PARVB: variants seen among roughly 807,000 people sequenced by gnomAD.
PARVB encodes the protein parvin beta, also known as beta-parvin.
In PARVB, 46 loss-of-function variants were observed where a neutral mutation model predicts 47.0. The observed-to-expected ratio is 0.98, with a 90% CI of 0.77 to 1.25. The LOEUF is 1.25. Among genes scored for constraint, PARVB ranks in the 50% most tolerant of loss-of-function variants. PARVB has a pLI of 0.00. For missense variants in PARVB, 473 were observed against 471.6 expected (o/e 1.00, Z -0.03); for synonymous variants, 196 against 196.3 (o/e 1.00, Z 0.01).
chr22:44,164,074 C>T, intron 12 of PARVB, 144 bp downstream of exon 12: 1 of 551,124 alleles, frequency 1.8e-6, no homozygotes, highest in Non-Finnish European at 3.2e-6. Flanking sequence ...CTGCCAACCC[C>T]AGCTCCTCAG....
chr22:44,082,688 C>T (rs2051933613), intron 1 of PARVB, among the ~76,000 whole-genome samples: 1 of 152,162 alleles, frequency 6.6e-6, no homozygotes, highest in African/African-American at 2.4e-5. Flanking sequence ...GGTTAGACGG[C>T]CAACCTGACA....
chr22:44,028,260 C>G (rs959616653), intron 1 of PARVB, among the ~76,000 whole-genome samples: 2 of 152,134 alleles, frequency 1.3e-5, no homozygotes, highest in Non-Finnish European at 2.9e-5. Flanking sequence ...TTTCTGCTGC[C>G]TATGCATCCC....
At chr22:44,140,318 T>G (rs1027403140) in intron 8 of PARVB, 175 bp downstream of exon 8, 1 of 739,350 alleles carries the variant, frequency 1.4e-6, no homozygotes, top group Middle Eastern at 2.5e-4. Flanking sequence ...TTCTGTATAA[T>G]GGGCTTGTTT....
chr22:44,066,860 TTTTCTTC>T (rs1222550911), intron 1 of PARVB, among the ~76,000 whole-genome samples: 1 of 144,798 alleles, frequency 6.9e-6, no homozygotes, highest in African/African-American at 2.6e-5. Context: ...TCTTCCTTTT[TTTTCTTC>T]TTTCTTCTTT....
At chr22:44,165,897 C>CTGCTAGCTCG (rs1224825663) in intron 12 of PARVB, among the ~76,000 whole-genome samples, 1 of 152,222 alleles carries the variant, frequency 6.6e-6, no homozygotes, top group African/African-American at 2.4e-5. Context: ...GCTAGCTCGG[C>CTGCTAGCTCG]GTTAGTGTCT....
intron 1 of PARVB, among the ~76,000 whole-genome samples, chr22:44,047,468 C>T (rs996359511): frequency 1.3e-5 from 2 of 152,090 alleles, no homozygotes; most frequent in Admixed American, 6.5e-5. Context: ...GGAGGCCAGG[C>T]TGGTCAACAT....
At chr22:44,129,599 A>C (rs542662992) in intron 4 of PARVB, among the ~76,000 whole-genome samples, 1 of 151,914 alleles carries the variant, frequency 6.6e-6, no homozygotes, top group Admixed American at 6.6e-5. Flanking sequence ...TGCCCTTTCC[A>C]TGGTTGTTGA....
In PARVB at chr22:44,043,442, G is replaced by A. The variant is rs535034977; in HGVS notation, c.112+18991G>A. 9.2e-5 allele frequency among the ~76,000 whole-genome samples: 14 copies of A among 152,158 alleles called. No homozygotes were observed. In the East Asian group the frequency reaches 2.7e-3, roughly 29 times the overall value. ...CGCCCATGCTGGAGTGCAGTGGTGC[G>A]ATCTCAGCTCACTGCAAGCTCCGCC... On this transcript the variant is annotated intron_variant, in intron 1 of 12. Coordinates refer to ENST00000338758, the MANE Select transcript of PARVB (RefSeq NM_013327.5).
chr22:44,058,482 A>T lies in PARVB; in HGVS notation c.112+34031A>T, dbSNP rs116887198. 7.9e-5 allele frequency among the ~76,000 whole-genome samples: 12 copies of T among 151,822 alleles called. No homozygotes were observed. In the East Asian group the frequency reaches 2.3e-3, roughly 29 times the overall value. ...AGTATGACCTCATCCGAACTTGATT[A>T]CATCTGCAAAGACCCTGTTTCCAAA... On this transcript the variant is annotated intron_variant, in intron 1 of 12. Transcript: ENST00000338758.
intron 3 of PARVB, chr22:44,115,831 C>T (rs2052879735): frequency 6.7e-6 from 1 of 149,168 alleles, no homozygotes; most frequent in East Asian, 2.0e-4. Flanking sequence ...TAAGGCCCTA[C>T]ACCAGAATGG....
rs894637299 is a variant in PARVB, at chr22:44,147,235, C to T, written c.713-626C>T. On this transcript the variant is annotated intron_variant, in intron 8 of 12. Transcript: ENST00000338758. The stretch of plus-strand genomic sequence containing the variant: ...GATTTTATCTGAGTGTCCCATGGCT[C>T]GCAGGAGAGAAGATAGATTTTATTC... 6 of 191,352 alleles carry T rather than the reference C, an allele frequency of 3.1e-5. No homozygotes were observed. The East Asian group carries it at 3.5e-4, about 11-fold the overall frequency. The allele number at this position is 191,352 out of a possible 1,614,324, so 11.9% of individuals were successfully genotyped here.
intron 1 of PARVB, among the ~76,000 whole-genome samples, chr22:44,067,059 C>T (rs2051551235): frequency 6.6e-6 from 1 of 152,118 alleles, no homozygotes; most frequent in African/African-American, 2.4e-5. Context: ...TTAGGCTGGT[C>T]TCCAACTCCT....
rs55865160 is a variant in PARVB at position 44,122,562 on chromosome 22, CAGAGAGAGAGAGAG to C, written c.376+3457_376+3470del. On this transcript the variant is annotated intron_variant, in intron 4 of 12. Transcript: ENST00000338758. ...AGAGAGAGAGAGAGAGACACAGAGA[CAGAGAGAGAGAGAG>C]AGAGAGAGAGAGAGAGAGAGAGAGA... Among the ~76,000 whole-genome samples the C allele has an allele frequency of 5.1e-3, 403 of 78,780 alleles. 3 individuals are homozygous for C. The highest frequency in any genetic ancestry group is 6.4e-3 in the Admixed American group (48 of 7,484). 51.7% of individuals were successfully genotyped at this position (78,780 alleles called of 152,430 possible).
chr22:44,019,856 G>A (rs1255490105), upstream of PARVB, among the ~76,000 whole-genome samples: 3 of 152,174 alleles, frequency 2.0e-5, no homozygotes, highest in African/African-American at 7.2e-5. Context: ...TAGATATTTG[G>A]AGTCAAATAT....
intron 2 of PARVB, among the ~76,000 whole-genome samples, chr22:44,097,759 C>T (rs966205605): frequency 3.9e-5 from 6 of 152,194 alleles, no homozygotes; most frequent in South Asian, 2.1e-4. Context: ...CCCCTCTAGG[C>T]GGGGTCAGGA....
intron 1 of PARVB, among the ~76,000 whole-genome samples, chr22:44,034,315 T>TCTTTATACATATATATGTTTGAGATGGGG (rs1569064833): frequency 9.6e-4 from 72 of 74,960 alleles, no homozygotes; most frequent in East Asian, 5.2e-3. Flanking sequence ...TTGAGATGGG[T>TCTTTATACATATATATGTTTGAGATGGGG]GTCTTTATAC....
chr22:44,005,594 C>T (rs1013889680), intron 2 of PARVB, among the ~76,000 whole-genome samples: 3 of 152,044 alleles, frequency 2.0e-5, no homozygotes, highest in Non-Finnish European at 4.4e-5. Context: ...CTGATTTGCA[C>T]TGATTTCCTA....
At chr22:44,134,732 G>A (rs1601659391) in intron 6 of PARVB, among the ~76,000 whole-genome samples, 1 of 152,336 alleles carries the variant, frequency 6.6e-6, no homozygotes, top group Middle Eastern at 3.4e-3. Flanking sequence ...GTTGGTGTAA[G>A]GGATGTGGCA....
At chr22:44,058,735 A>G (rs1201366963) in intron 1 of PARVB, among the ~76,000 whole-genome samples, 3 of 151,714 alleles carry the variant, frequency 2.0e-5, no homozygotes, top group Non-Finnish European at 4.4e-5. Context: ...TTGTATTTTT[A>G]GTAAAAATGG....
Sources: allele counts gnomAD v4.1 joint callset (sites outside exome capture counted in the v4.1 genomes callset), GRCh38; gene constraint gnomAD v4.1.1; transcripts MANE v1.5; gene names NCBI Gene and HGNC (gene_info 2026-07-23, HGNC 2026-07-21).